The following TENM4 variants were observed in gnomAD, a reference collection of about 807,000 sequenced individuals.
The protein encoded by TENM4 is teneurin-4.
In TENM4, 82 loss-of-function variants were observed where a neutral mutation model predicts 243.3. The observed-to-expected ratio is 0.34, with a 90% CI of 0.28 to 0.40. The LOEUF (loss-of-function observed/expected upper bound fraction) is 0.40, where lower values mean the gene tolerates loss of function less well. Among genes scored for constraint, TENM4 ranks in the 10% least tolerant of loss-of-function variants. The pLI, the probability that TENM4 is intolerant of heterozygous loss-of-function variation, is 1.00. For missense variants in TENM4, 3,138 were observed against 3,673.3 expected (o/e 0.85, Z 3.77); for synonymous variants, 1,412 against 1,456.3 (o/e 0.97, Z 0.69).
At chr11:79,113,442 GAA>G (rs1314613950) in intron 4 of TENM4, among the ~76,000 whole-genome samples, 2 of 141,918 alleles carry the variant, frequency 1.4e-5, no homozygotes, top group Non-Finnish European at 3.1e-5. Flanking sequence ...CAGAGAGAGA[GAA>G]AGAGAGGGGG....
At chr11:78,797,181 C>CA (rs890573578) in intron 15 of TENM4, among the ~76,000 whole-genome samples, 6 of 152,234 alleles carry the variant, frequency 3.9e-5, no homozygotes, top group Non-Finnish European at 8.8e-5. Flanking sequence ...ATTGTTTTCT[C>CA]AGAGTGTCTT....
At chr11:78,929,253 G>A (rs1856619591) in intron 6 of TENM4, among the ~76,000 whole-genome samples, 1 of 152,182 alleles carries the variant, frequency 6.6e-6, no homozygotes, top group South Asian at 2.1e-4. Flanking sequence ...TGTCAGCTGA[G>A]GTTGAAATAG....
At chr11:79,249,493 G>A (rs146630680) in intron 2 of TENM4, among the ~76,000 whole-genome samples, 1 of 152,210 alleles carries the variant, frequency 6.6e-6, no homozygotes, top group Non-Finnish European at 1.5e-5. Context: ...TATGTGTCAG[G>A]GACAGTGCTG....
chr11:78,722,761 G>A lies in TENM4; in HGVS notation c.3707C>T (p.Thr1236Ile). 1 of 1,614,076 alleles carries A rather than the reference G, an allele frequency of 6.2e-7. No individual in the cohort carries two copies. The highest frequency in any genetic ancestry group is 8.5e-7 in the Non-Finnish European group (1 of 1,179,898). Residue 1236 changes from threonine (T) to isoleucine (I), a missense_variant, in exon 24 of 34, where the codon ACC becomes ATC. By Grantham distance (89) the Thr-to-Ile change is moderately conservative. Coordinates refer to ENST00000278550, the MANE Select transcript of TENM4 (RefSeq NM_001098816.3). ...ATAGAGGCTCCCGTCAGAGCCACAGGTGAGGGCCACTGGGGCCAGGAGCTT... is the reference window on the plus strand; with the variant it reads ...ATAGAGGCTCCCGTCAGAGCCACAGATGAGGGCCACTGGGGCCAGGAGCTT... ...GNKLLAPVAL[T>I]CGSDGSLYVG...
intron 2 of TENM4, among the ~76,000 whole-genome samples, chr11:79,249,848 C>G (rs149671799): frequency 8.0e-4 from 121 of 152,198 alleles, no homozygotes; most frequent in Non-Finnish European, 1.4e-3. Flanking sequence ...TGTCAGGTGA[C>G]TATTCCAGTA....
At chr11:79,017,123 A>T (rs1225524020) in intron 6 of TENM4, among the ~76,000 whole-genome samples, 2 of 152,170 alleles carry the variant, frequency 1.3e-5, no homozygotes, top group African/African-American at 4.8e-5. Flanking sequence ...GATGGAGGAG[A>T]TCAATTTTTT....
At chr11:78,911,680 A>G (rs1422213862) in intron 6 of TENM4, among the ~76,000 whole-genome samples, 1 of 152,178 alleles carries the variant, frequency 6.6e-6, no homozygotes, top group African/African-American at 2.4e-5. Context: ...TTATAAGAAG[A>G]AGAGAGACCT....
chr11:78,728,219 G>C (rs1029624952), intron 22 of TENM4, among the ~76,000 whole-genome samples: 2 of 152,200 alleles, frequency 1.3e-5, no homozygotes, highest in African/African-American at 4.8e-5. Context: ...TGGTAGGATT[G>C]TATGCGAACC....
At chr11:79,195,608 T>G (rs778521319) in intron 3 of TENM4, among the ~76,000 whole-genome samples, 2 of 152,156 alleles carry the variant, frequency 1.3e-5, no homozygotes, top group Non-Finnish European at 2.9e-5. Flanking sequence ...ACCCCTTTGT[T>G]TTGGCCAATT....
chr11:78,964,869 T>C (rs1325455331), intron 6 of TENM4, among the ~76,000 whole-genome samples: 1 of 152,128 alleles, frequency 6.6e-6, no homozygotes, highest in East Asian at 1.9e-4. Context: ...CAGCTCCTCA[T>C]TTGTAATTTT....
intron 6 of TENM4, among the ~76,000 whole-genome samples, chr11:79,052,148 T>C (rs1859811845): frequency 6.6e-6 from 1 of 152,218 alleles, no homozygotes; most frequent in African/African-American, 2.4e-5. Flanking sequence ...AGTAATGGGA[T>C]TGCTGGGTCA....
chr11:78,866,195 CT>C (rs142228094), intron 9 of TENM4, among the ~76,000 whole-genome samples: 5,986 of 152,254 alleles, frequency 0.039, 158 homozygotes, highest in Non-Finnish European at 0.067. Flanking sequence ...TACCTTCTTA[CT>C]TTATATATTA....
chr11:78,915,991 G>A (rs1202851267), intron 6 of TENM4, among the ~76,000 whole-genome samples: 1 of 152,202 alleles, frequency 6.6e-6, no homozygotes, highest in African/African-American at 2.4e-5. Context: ...TGTGGCTCAG[G>A]CTCAAGCTGC....
chr11:78,867,225 G>A (rs1379491159), intron 9 of TENM4, among the ~76,000 whole-genome samples: 1 of 150,814 alleles, frequency 6.6e-6, no homozygotes, highest in Non-Finnish European at 1.5e-5. Context: ...TTTTGTACCC[G>A]TTAACCATGC....
chr11:78,686,323 G>C (rs1359524729), intron 29 of TENM4, among the ~76,000 whole-genome samples: 6 of 152,156 alleles, frequency 3.9e-5, no homozygotes, highest in Non-Finnish European at 8.8e-5. Flanking sequence ...AAAGCCCCAC[G>C]CCCCTTACCC....
intron 1 of TENM4, among the ~76,000 whole-genome samples, chr11:79,381,285 T>C (rs1857996643): frequency 1.3e-5 from 2 of 151,190 alleles, no homozygotes; most frequent in East Asian, 3.9e-4. Context: ...AGGAAAGCAG[T>C]CTTTATAGCC....
intron 12 of TENM4, among the ~76,000 whole-genome samples, chr11:78,846,506 T>C (rs1200540734): frequency 2.0e-5 from 3 of 152,226 alleles, no homozygotes. Context: ...TGTCTGCAAC[T>C]GGCGTCTACC....
intron 9 of TENM4, among the ~76,000 whole-genome samples, chr11:78,877,722 A>T (rs974682181): frequency 9.2e-5 from 14 of 152,176 alleles, no homozygotes; most frequent in African/African-American, 3.4e-4. Context: ...AAAAATGAAT[A>T]TATGAGTAAA....
chr11:78,955,463 G>A (rs190344660), intron 6 of TENM4, among the ~76,000 whole-genome samples: 1 of 152,180 alleles, frequency 6.6e-6, no homozygotes, highest in Non-Finnish European at 1.5e-5. Context: ...TTTCAACAGG[G>A]TCACAAACTA....
Sources: gnomAD v4.1 joint callset for allele counts (sites outside exome capture counted in the v4.1 genomes callset) on GRCh38, gnomAD v4.1.1 for gene constraint, MANE v1.5 for transcripts, NCBI Gene and HGNC (gene_info 2026-07-23, HGNC 2026-07-21) for gene names.